Variants in TRIM5 observed in about 807,000 individuals in gnomAD.
The protein encoded by TRIM5 is tripartite motif-containing protein 5.
Under a neutral mutation model 35.6 loss-of-function variants are expected in TRIM5, and 31 were observed. The ratio of observed to expected loss-of-function variants is 0.87; its 90% CI spans 0.65 to 1.18. TRIM5 has a LOEUF of 1.18. Ranked by LOEUF, TRIM5 falls within the 50% of genes most tolerant of loss-of-function variation. The pLI, the probability that TRIM5 is intolerant of heterozygous loss-of-function variation, is 0.00. For missense variants in TRIM5, 609 were observed against 591.6 expected (o/e 1.03, Z -0.31); for synonymous variants, 243 against 215.6 (o/e 1.13, Z -1.11).
chr11:5,605,636 G>A, the TRIM5 span: 2 of 1,506,084 alleles, frequency 1.3e-6, no homozygotes, highest in South Asian at 1.3e-5. Flanking sequence ...TTCCTTTCTG[G>A]GACATCAGAC....
the TRIM5 span, chr11:5,611,273 T>G: frequency 6.4e-5 from 103 of 1,613,998 alleles, no homozygotes; most frequent in Admixed American, 8.3e-5. Context: ...ACTTTCCCAC[T>G]ACTCTTTGTC....
intron 3 of TRIM5, among the ~76,000 whole-genome samples, chr11:5,678,759 T>C (rs1326363569): frequency 6.6e-6 from 1 of 152,150 alleles, no homozygotes; most frequent in Non-Finnish European, 1.5e-5. Flanking sequence ...AGTTGAACAC[T>C]GAGGACAGAA....
At chr11:5,610,335 A>G in the TRIM5 span, 12 of 1,592,634 alleles carry the variant, frequency 7.5e-6, no homozygotes, top group African/African-American at 1.5e-4. Flanking sequence ...GTATTTGAGC[A>G]TAGTGGCAAA....
At chr11:5,658,754 G>T (rs1359846559), downstream of TRIM5, among the ~76,000 whole-genome samples, 1 of 152,022 alleles carries the variant, frequency 6.6e-6, no homozygotes, top group Non-Finnish European at 1.5e-5. Context: ...TAATCCTTTG[G>T]GCACATACCC....
chr11:5,605,541 CAG>C, the TRIM5 span: 17 of 1,613,652 alleles, frequency 1.1e-5, no homozygotes, highest in African/African-American at 9.4e-5. Context: ...GCGTCGATGT[CAG>C]GGGTCAACAA....
the TRIM5 span, among the ~76,000 whole-genome samples, chr11:5,619,403 A>C: frequency 6.6e-6 from 1 of 152,008 alleles, no homozygotes; most frequent in African/African-American, 2.4e-5. Flanking sequence ...TTTCCAGTGG[A>C]GAGTAGGCCT....
At chr11:5,681,060 A>C (rs1852401436) in intron 1 of TRIM5, among the ~76,000 whole-genome samples, 1 of 152,194 alleles carries the variant, frequency 6.6e-6, no homozygotes, top group East Asian at 1.9e-4. Flanking sequence ...AAAGTTTGCC[A>C]AGGACATTTA....
At chr11:5,680,321 G>T in intron 1 of TRIM5, 83 bp from the exon 2 acceptor site, 1 of 833,622 alleles carries the variant, frequency 1.2e-6, no homozygotes, top group Non-Finnish European at 1.7e-6. Flanking sequence ...ATTAGAAAAT[G>T]GGCAAGATGA....
the TRIM5 span, among the ~76,000 whole-genome samples, chr11:5,639,791 G>T: frequency 0.33 from 49,473 of 150,414 alleles, 9,063 homozygotes; most frequent in East Asian, 0.62. Context: ...TAAAAAGAGA[G>T]AGATTTACTA....
At chr11:5,606,570 G>T in the TRIM5 span, among the ~76,000 whole-genome samples, 45 of 152,106 alleles carry the variant, frequency 3.0e-4, 1 homozygote, top group East Asian at 8.5e-3. Context: ...GCTACTTTCT[G>T]CCTGTTACAG....
chr11:5,679,289 AT>A, intron 2 of TRIM5, 120 bp from the exon 3 acceptor site: 2 of 837,424 alleles, frequency 2.4e-6, no homozygotes, highest in South Asian at 3.1e-5. Context: ...AACTGTGAGA[AT>A]GGCAATGAGA....
At chr11:5,626,189 A>T in the TRIM5 span, among the ~76,000 whole-genome samples, 1 of 152,234 alleles carries the variant, frequency 6.6e-6, no homozygotes, top group Admixed American at 6.5e-5. Flanking sequence ...AACATATGGG[A>T]TAAAATTGAT....
intron 4 of TRIM5, among the ~76,000 whole-genome samples, chr11:5,676,346 C>G (rs921681909): frequency 6.6e-6 from 1 of 152,034 alleles, no homozygotes; most frequent in African/African-American, 2.4e-5. Context: ...TGAGTGAACT[C>G]CCATTCACAA....
the TRIM5 span, chr11:5,644,211 C>T: frequency 2.5e-6 from 1 of 398,804 alleles, no homozygotes; most frequent in East Asian, 3.6e-5. Flanking sequence ...TATTTGAGCT[C>T]AAACCTTGCC....
At chr11:5,682,694 G>A (rs762908317) in intron 1 of TRIM5, among the ~76,000 whole-genome samples, 9 of 152,114 alleles carry the variant, frequency 5.9e-5, no homozygotes, top group Non-Finnish European at 1.3e-4. Flanking sequence ...TCACTAGAGT[G>A]TTAAGTTACC....
At chr11:5,625,179 G>C in the TRIM5 span, 1 of 152,234 alleles carries the variant, frequency 6.6e-6, no homozygotes, top group Non-Finnish European at 1.5e-5. Flanking sequence ...GGGAGCAAAG[G>C]CTAGCTTGCA....
the TRIM5 span, among the ~76,000 whole-genome samples, chr11:5,598,464 G>C: frequency 1.3e-5 from 2 of 151,962 alleles, no homozygotes. Flanking sequence ...ACTAGAAATA[G>C]AATGAAGCCA....
intron 1 of TRIM5, among the ~76,000 whole-genome samples, chr11:5,682,940 T>C (rs371093735): frequency 1.3e-5 from 2 of 151,908 alleles, no homozygotes; most frequent in African/African-American, 4.8e-5. Flanking sequence ...TGCAGGGAGG[T>C]GTGGAGGGAG....
chr11:5,665,290 G>A lies in TRIM5; in HGVS notation c.1001C>T (p.Thr334Ile), dbSNP rs774431118. The stretch of plus-strand genomic sequence containing the variant: ...GAAATTCACAAATGTCTGGTATCTT[G>A]TCCCTCGTGCCCCATATATTATCTG... Reference protein sequence around the residue: ...KPQIIYGARGTRYQTFVNFNY... With the variant: ...KPQIIYGARGIRYQTFVNFNY... The change falls in exon 8 of 8, where the codon ACA becomes ATA. Residue 334 changes from threonine to isoleucine, a missense_variant. By Grantham distance (89) the Thr-to-Ile change is moderately conservative. Transcript: ENST00000380034. 8 of 1,613,990 alleles carry A rather than the reference G, an allele frequency of 5.0e-6. No individual in the cohort carries two copies. In the South Asian group the frequency reaches 7.7e-5, roughly 16 times the overall value.
Sources: gnomAD v4.1 joint callset for allele counts (sites outside exome capture counted in the v4.1 genomes callset) on GRCh38, gnomAD v4.1.1 for gene constraint, MANE v1.5 for transcripts, NCBI Gene and HGNC (gene_info 2026-07-23, HGNC 2026-07-21) for gene names.